The following TTLL4 variants were observed in gnomAD, a reference collection of about 807,000 sequenced individuals.
TTLL4 encodes tubulin monoglutamylase TTLL4.
TTLL4 carries 85 observed loss-of-function variants against 122.7 expected under a neutral mutation model. That is an observed-to-expected ratio of 0.69 (90% confidence interval 0.58 to 0.83). The LOEUF is 0.83. Ranked by LOEUF, TTLL4 falls within the 40% of genes least tolerant of loss-of-function variation. TTLL4 has a pLI of 0.00. For missense variants in TTLL4, 1,363 were observed against 1,488.6 expected, an observed-to-expected ratio of 0.92 and a Z score of 1.39; for synonymous variants, 553 against 563.0, an observed-to-expected ratio of 0.98 and a Z score of 0.25.
chr2:218,730,311 C>CAAAAAAAAAAAAAAAAAAA lies in TTLL4; in HGVS notation c.-99+2984_-99+3002dup, dbSNP rs548186206. ...TGAAACCCCATCTTTACTAAAAATCCAAAAAAAAAAAAAAAAAAAAAAAAA... is the reference window on the plus strand; with the variant it reads ...TGAAACCCCATCTTTACTAAAAATCCAAAAAAAAAAAAAAAAAAAAAAAAAAAAAAAAAAAAAAAAAAAA... On this transcript the variant is annotated intron_variant, in intron 2 of 19. Transcript: ENST00000392102. Among the ~76,000 whole-genome samples the CAAAAAAAAAAAAAAAAAAA allele has an allele frequency of 5.5e-3, 79 of 14,302 alleles. 24 individuals are homozygous for CAAAAAAAAAAAAAAAAAAA. The highest frequency in any genetic ancestry group is 0.013 in the Admixed American group (10 of 750). The allele number at this position is 14,302 out of a possible 152,430, so 9.4% of individuals were successfully genotyped here. A position where few individuals can be genotyped will look rare whatever the true frequency, so the allele number is the denominator to read the frequency against.
chr2:218,711,064 G>A (rs902336916), intron 1 of TTLL4, 27 bp downstream of exon 1: 1 of 152,476 alleles, frequency 6.6e-6, no homozygotes, highest in African/African-American at 2.4e-5. Flanking sequence ...AGCCAGGGGA[G>A]CCGACCCCAG....
intron 1 of TTLL4, among the ~76,000 whole-genome samples, chr2:218,711,886 T>TTTTTTTTTTTTTTTG (rs1357357418): frequency 1.3e-5 from 2 of 150,786 alleles, no homozygotes; most frequent in Non-Finnish European, 3.0e-5. Context: ...ACCTATTCTT[T>TTTTTTTTTTTTTTTG]AACTGCAGCA....
intron 3 of TTLL4, 140 bp from the exon 4 acceptor site, chr2:218,739,918 T>G (rs1015767424): frequency 1.4e-6 from 1 of 700,450 alleles, no homozygotes; most frequent in Non-Finnish European, 2.4e-6. Flanking sequence ...ACAAAAGAAA[T>G]GAGTTGTGAG....
intron 16 of TTLL4, 102 bp downstream of exon 16, chr2:218,751,908 T>C (rs1385274617): frequency 5.8e-6 from 4 of 685,232 alleles, no homozygotes; most frequent in African/African-American, 4.4e-5. Flanking sequence ...TCTTTTCTTT[T>C]TCTTTTTTTT....
intron 2 of TTLL4, among the ~76,000 whole-genome samples, chr2:218,734,216 GT>G (rs968198014): frequency 2.0e-5 from 3 of 151,914 alleles, no homozygotes; most frequent in Non-Finnish European, 4.4e-5. Context: ...TGAATGTAAG[GT>G]TTTTTTTAGG....
rs573151628 is a variant in TTLL4, at chr2:218,754,417, A to G, written c.*28A>G. 1.9e-6 allele frequency: 3 copies of G among 1,612,144 alleles called. No individual in the cohort carries two copies. Among genetic ancestry groups the G allele is most frequent in the South Asian group, 2.2e-5 (2 of 90,948 alleles). ...GGCCTCTCTCCAAAAGCCTCTGCCC[A>G]GGAGCATGGGCATCAGCTACCTCAC... On this transcript the variant is annotated 3_prime_UTR_variant, in exon 20 of 20. Coordinates refer to ENST00000392102, the MANE Select transcript of TTLL4 (RefSeq NM_014640.5).
In TTLL4 at chr2:218,740,564, A is replaced by G; in HGVS notation, c.1641A>G (p.Glu547=). 6.2e-7 allele frequency: 1 copy of G among 1,614,162 alleles called. No individual in the cohort carries two copies. The highest frequency in any genetic ancestry group is 8.5e-7 in the Non-Finnish European group (1 of 1,180,026). ...CSSLSAVSPS[E]SVAMISRSCM... is the part of the protein sequence containing the mutation. ...CATTAAGTGCTGTCTCCCCCAGCGA[A>G]TCGGTGGCCATGATCTCTAGGTAAG... The change falls in exon 5 of 20, where the codon GAA becomes GAG. Residue 547 remains glutamate (E), a synonymous_variant. Transcript: ENST00000392102.
intron 1 of TTLL4, among the ~76,000 whole-genome samples, chr2:218,716,668 A>G (rs1431015036): frequency 6.6e-6 from 1 of 152,204 alleles, no homozygotes; most frequent in Non-Finnish European, 1.5e-5. Context: ...AAGTGCCTGT[A>G]GTCCCAGCTA....
At chr2:218,744,983 G>T in intron 5 of TTLL4, 126 bp from the exon 6 acceptor site, 1 of 1,277,680 alleles carries the variant, frequency 7.8e-7, no homozygotes. Context: ...TAATTATTGA[G>T]CACCTGGCTT....
chr2:218,720,599 G>A (rs961609929), intron 1 of TTLL4, among the ~76,000 whole-genome samples: 3 of 151,416 alleles, frequency 2.0e-5, no homozygotes, highest in Admixed American at 6.6e-5. Context: ...GCATGAACGC[G>A]GGAGGCAGAG....
chr2:218,734,757 C>G (rs1302995940), intron 2 of TTLL4, among the ~76,000 whole-genome samples: 1 of 152,046 alleles, frequency 6.6e-6, no homozygotes, highest in South Asian at 2.1e-4. Flanking sequence ...TGTGGCTTCC[C>G]GAAAGAGGAT....
chr2:218,752,165 C>T (rs564164581), intron 16 of TTLL4, among the ~76,000 whole-genome samples: 2 of 152,310 alleles, frequency 1.3e-5, no homozygotes, highest in Non-Finnish European at 2.9e-5. Context: ...GCCTCGGCCT[C>T]CCGAAGTGCT....
intron 1 of TTLL4, among the ~76,000 whole-genome samples, chr2:218,718,978 G>A (rs989665980): frequency 7.2e-5 from 11 of 152,132 alleles, no homozygotes; most frequent in Non-Finnish European, 1.2e-4. Flanking sequence ...AGGCCATTTT[G>A]TTGATCCATA....
rs568367800 is a variant in TTLL4, at chr2:218,752,628, T to A, written c.2977-135T>A. 1.3e-5 allele frequency: 11 copies of A among 849,516 alleles called. 1 individual carries two copies. The highest frequency in any genetic ancestry group is 8.2e-5 in the South Asian group (5 of 61,046). 52.6% of individuals were successfully genotyped at this position (849,516 alleles called of 1,614,324 possible). ...GTCTTTCAGAGCTGGCCCACTAGGC[T>A]GCCCTCAGTAGTTCCATGAGAGTCC... is the stretch of plus-strand genomic sequence containing the variant. On this transcript the variant is annotated intron_variant, in intron 16 of 19. Transcript: ENST00000392102.
chr2:218,738,380 C>G lies in TTLL4; in HGVS notation c.704C>G (p.Thr235Ser). Residue 235 changes from threonine (T) to serine (S), a missense_variant, in exon 3 of 20, where the codon ACC (threonine) becomes AGC (serine). By Grantham distance (58) the Thr-to-Ser change is moderately conservative. Coordinates refer to ENST00000392102, the MANE Select transcript of TTLL4 (RefSeq NM_014640.5). ...PNSTPVPLLQTTQGLKPVSPP... is the reference protein window; with the variant it reads ...PNSTPVPLLQSTQGLKPVSPP... The stretch of plus-strand genomic sequence containing the variant: ...AGCACGCCAGTGCCTTTATTGCAGA[C>G]CACACAGGGCCTGAAGCCAGTATCG... 6.2e-7 allele frequency: 1 copy of G among 1,614,182 alleles called. No individual in the cohort carries two copies. Among genetic ancestry groups the G allele is most frequent in the Non-Finnish European group, 8.5e-7 (1 of 1,180,044 alleles).
At chr2:218,712,299 G>C (rs1206670051) in intron 1 of TTLL4, among the ~76,000 whole-genome samples, 1 of 152,114 alleles carries the variant, frequency 6.6e-6, no homozygotes, top group African/African-American at 2.4e-5. Flanking sequence ...TTTCAAGCTG[G>C]AGTAATCAGG....
intron 5 of TTLL4, among the ~76,000 whole-genome samples, chr2:218,743,318 G>A (rs1397871708): frequency 6.6e-6 from 1 of 152,164 alleles, no homozygotes; most frequent in African/African-American, 2.4e-5. Flanking sequence ...TGACATTGAC[G>A]TTTTTTCATT....
At chr2:218,712,533 C>T (rs530551608) in intron 1 of TTLL4, among the ~76,000 whole-genome samples, 28 of 152,196 alleles carry the variant, frequency 1.8e-4, no homozygotes, top group Non-Finnish European at 2.6e-4. Flanking sequence ...ATTAGAGGCG[C>T]ATGCTGCCAC....
chr2:218,727,022 A>G (rs1480152290), intron 1 of TTLL4, among the ~76,000 whole-genome samples: 4 of 150,692 alleles, frequency 2.7e-5, no homozygotes, highest in African/African-American at 9.8e-5. Flanking sequence ...TTGGTCAGGC[A>G]GGTCTCAAGC....
Sources: allele counts gnomAD v4.1 joint callset (sites outside exome capture counted in the v4.1 genomes callset), GRCh38; gene constraint gnomAD v4.1.1; transcripts MANE v1.5; gene names NCBI Gene and HGNC (gene_info 2026-07-23, HGNC 2026-07-21).